Variants in PTAR1 observed in about 807,000 individuals in gnomAD.
PTAR1 encodes the protein protein prenyltransferase alpha subunit repeat containing 1.
A neutral mutation model predicts 45.5 loss-of-function variants in PTAR1; 17 were observed. The observed-to-expected ratio is 0.37, with a 90% CI of 0.26 to 0.56. PTAR1 has a LOEUF of 0.56. PTAR1 is among the 20% of genes least tolerant of loss of function. The pLI is 0.77. For synonymous variants in PTAR1, 169 were observed against 171.3 expected (o/e 0.99, Z 0.11); for missense variants, 391 against 476.3 (o/e 0.82, Z 1.67).
intron 5 of PTAR1, among the ~76,000 whole-genome samples, chr9:69,725,785 A>T (rs954026879): frequency 6.6e-5 from 10 of 152,018 alleles, no homozygotes; most frequent in African/African-American, 1.9e-4. Flanking sequence ...TGATTTTTTT[A>T]AAAAAGACAG....
At chr9:69,750,724 T>C in intron 2 of PTAR1, 57 bp downstream of exon 2, 1 of 1,281,454 alleles carries the variant, frequency 7.8e-7, no homozygotes, top group Non-Finnish European at 1.1e-6. Flanking sequence ...GGGCTCTTCC[T>C]ACTATATTCC....
At chr9:69,732,049 ACTC>A in intron 5 of PTAR1, 87 bp downstream of exon 5, 1 of 865,690 alleles carries the variant, frequency 1.2e-6, no homozygotes, top group Non-Finnish European at 1.8e-6. Context: ...CAGTTTCTCT[ACTC>A]CTTCAAAGCT....
At chr9:69,739,907 A>T (rs1400853207) in intron 3 of PTAR1, among the ~76,000 whole-genome samples, 1 of 152,172 alleles carries the variant, frequency 6.6e-6, no homozygotes, top group Non-Finnish European at 1.5e-5. Context: ...ACTGTCATAA[A>T]CATCCCTCAA....
intron 6 of PTAR1, among the ~76,000 whole-genome samples, chr9:69,718,965 T>C (rs1298137451): frequency 1.3e-5 from 2 of 152,214 alleles, no homozygotes; most frequent in African/African-American, 4.8e-5. Flanking sequence ...GACTTGGAGA[T>C]GGTACTCTAT....
chr9:69,729,055 C>T (rs577132800), intron 5 of PTAR1, among the ~76,000 whole-genome samples: 107 of 152,282 alleles, frequency 7.0e-4, no homozygotes, highest in African/African-American at 2.5e-3. Context: ...TGTGGTGGCT[C>T]ATGCCTGTAA....
intron 6 of PTAR1, 141 bp downstream of exon 6, chr9:69,723,185 C>T: frequency 2.9e-6 from 2 of 692,158 alleles, no homozygotes; most frequent in South Asian, 3.6e-5. Flanking sequence ...CACAAAACCT[C>T]TTGTATTCAC....
intron 5 of PTAR1, among the ~76,000 whole-genome samples, chr9:69,728,728 T>TA (rs1825396994): frequency 6.6e-6 from 1 of 152,152 alleles, no homozygotes; most frequent in Non-Finnish European, 1.5e-5. Flanking sequence ...CCCTCAAATA[T>TA]AAAAATATTT....
rs1436700830 is a variant in PTAR1 at position 69,718,639 on chromosome 9, AG to A, written c.982+10del. On this transcript the variant is annotated intron_variant, in intron 7 of 7. Coordinates refer to ENST00000340434, the MANE Select transcript of PTAR1 (RefSeq NM_001099666.2). ...CAGGTGACAACTGGGTCATGCTGTG[AG>A]GAAACCTACCATTTAAGTGATGCTG... 7 of 1,607,518 alleles carry A rather than the reference AG, an allele frequency of 4.4e-6. No homozygotes were observed. Among genetic ancestry groups the A allele is most frequent in the African/African-American group, 1.3e-5 (1 of 74,676 alleles).
intron 3 of PTAR1, among the ~76,000 whole-genome samples, 162 bp from the exon 4 acceptor site, chr9:69,734,416 A>G (rs898531233): frequency 6.6e-6 from 1 of 152,158 alleles, no homozygotes; most frequent in East Asian, 1.9e-4. Context: ...CTGGGATATA[A>G]AACACTCATA....
chr9:69,726,864 T>C (rs1825307135), intron 5 of PTAR1, among the ~76,000 whole-genome samples: 1 of 151,988 alleles, frequency 6.6e-6, no homozygotes, highest in Non-Finnish European at 1.5e-5. Flanking sequence ...AAGTCTCTAT[T>C]TGTCATATGT....
At chr9:69,721,457 A>T (rs541432644) in intron 6 of PTAR1, among the ~76,000 whole-genome samples, 46 of 152,358 alleles carry the variant, frequency 3.0e-4, no homozygotes, top group African/African-American at 1.1e-3. Flanking sequence ...AGATGCTGTG[A>T]ACATTGTTGA....
At chr9:69,737,090 T>TATA (rs398113503) in intron 3 of PTAR1, among the ~76,000 whole-genome samples, 2 of 150,094 alleles carry the variant, frequency 1.3e-5, no homozygotes, top group Non-Finnish European at 1.5e-5. Flanking sequence ...GTGCTATATA[T>TATA]TTTTTTTTAG....
At chr9:69,726,506 G>A (rs1364417118) in intron 5 of PTAR1, among the ~76,000 whole-genome samples, 1 of 151,718 alleles carries the variant, frequency 6.6e-6, no homozygotes, top group Non-Finnish European at 1.5e-5. Context: ...ATACTTGCTG[G>A]AACAAAGAAA....
intron 4 of PTAR1, among the ~76,000 whole-genome samples, chr9:69,733,366 C>T (rs144365872): frequency 1.2e-4 from 19 of 152,238 alleles, no homozygotes; most frequent in African/African-American, 4.1e-4. Flanking sequence ...ACACCTGGAA[C>T]GGACATAAGA....
chr9:69,723,287 T>A, intron 6 of PTAR1, 39 bp downstream of exon 6: 1 of 1,549,058 alleles, frequency 6.5e-7, no homozygotes, highest in Non-Finnish European at 8.9e-7. Context: ...CATGAAGACA[T>A]GCAGTTTTGT....
intron 6 of PTAR1, among the ~76,000 whole-genome samples, chr9:69,720,236 T>C (rs1824932672): frequency 6.6e-6 from 1 of 152,208 alleles, no homozygotes; most frequent in South Asian, 2.1e-4. Context: ...TTAAAAGTGG[T>C]AACCCAGTGA....
At position 69,715,755 on chromosome 9, in the gene PTAR1, C is replaced by G. The variant is rs960283288; in HGVS notation, c.*2587G>C. ...TACAGCTAGCGGGTTTAAATATTAA[C>G]CACTTAGGAAAAAAACCAACCATAT... On this transcript the variant is annotated 3_prime_UTR_variant, in exon 8 of 8. Coordinates refer to ENST00000340434, the MANE Select transcript of PTAR1 (RefSeq NM_001099666.2). 1 of 152,008 alleles carries G rather than the reference C, an allele frequency of 6.6e-6. No homozygotes were observed. The highest frequency in any genetic ancestry group is 1.5e-5 in the Non-Finnish European group (1 of 67,986). The allele number at this position is 152,008 out of a possible 1,614,324, so 9.4% of individuals were successfully genotyped here.
intron 3 of PTAR1, among the ~76,000 whole-genome samples, chr9:69,738,348 C>A (rs544226934): frequency 1.3e-5 from 2 of 152,228 alleles, no homozygotes; most frequent in South Asian, 2.1e-4. Context: ...CTACTTTTTG[C>A]AAGAAAGTCA....
rs1372735325 is a variant in PTAR1, at chr9:69,710,064, T to C, written c.*8278A>G. 1 of 152,114 alleles carries C rather than the reference T, an allele frequency of 6.6e-6. No homozygotes were observed. The highest frequency in any genetic ancestry group is 1.5e-5 in the Non-Finnish European group (1 of 67,994). The allele number at this position is 152,114 out of a possible 1,614,324, so 9.4% of individuals were successfully genotyped here. On this transcript the variant is annotated 3_prime_UTR_variant, in exon 8 of 8. Transcript: ENST00000340434. ...ATTCTATTAGATGCTTTTCTAAATATTCTGAATTTTTAAAGTACCATAATT... is the reference window on the plus strand; with the variant it reads ...ATTCTATTAGATGCTTTTCTAAATACTCTGAATTTTTAAAGTACCATAATT...
Sources: gnomAD v4.1 joint callset for allele counts (sites outside exome capture counted in the v4.1 genomes callset) on GRCh38, gnomAD v4.1.1 for gene constraint, MANE v1.5 for transcripts, NCBI Gene and HGNC (gene_info 2026-07-23, HGNC 2026-07-21) for gene names.